Variants in SDK1 observed in about 807,000 individuals in gnomAD.
SDK1 encodes protein sidekick-1.
In SDK1, 157 loss-of-function variants were observed where a neutral mutation model predicts 245.5. That is an observed-to-expected ratio of 0.64 (90% CI 0.56 to 0.73). The LOEUF (loss-of-function observed/expected upper bound fraction) is 0.73. Ranked by LOEUF, SDK1 falls within the 30% of genes least tolerant of loss-of-function variation. The probability of loss-of-function intolerance (pLI) is 0.00; values close to 1 mark genes in which losing one functional copy is unlikely to be tolerated. For missense variants in SDK1, 3,583 were observed against 3,002.3 expected (o/e 1.19, Z -4.52); for synonymous variants, 1,647 against 1,278.5 (o/e 1.29, Z -6.15).
chr7:3,862,491 T>C (rs1583487969), intron 5 of SDK1, among the ~76,000 whole-genome samples: 1 of 152,340 alleles, frequency 6.6e-6, no homozygotes, highest in Non-Finnish European at 1.5e-5. Flanking sequence ...GGATAACTTT[T>C]GTAACTTTGT....
intron 5 of SDK1, among the ~76,000 whole-genome samples, chr7:3,844,927 G>C (rs1780239797): frequency 6.6e-6 from 1 of 152,144 alleles, no homozygotes; most frequent in South Asian, 2.1e-4. Context: ...CAAGAAAAGA[G>C]CTTATGACAT....
intron 1 of SDK1, among the ~76,000 whole-genome samples, chr7:3,326,863 A>G (rs1030942353): frequency 6.6e-6 from 1 of 152,150 alleles, no homozygotes; most frequent in Non-Finnish European, 1.5e-5. Flanking sequence ...GTGATACCTC[A>G]CTTTTATTTA....
rs151118947 is a variant in SDK1 at position 3,559,524 on chromosome 7, A to G, written c.299-59556A>G. Among the ~76,000 whole-genome samples, 690 of 152,228 alleles carry G rather than the reference A, an allele frequency of 4.5e-3. 11 individuals are homozygous for G. Among genetic ancestry groups the G allele is most frequent in the African/African-American group, 0.016 (673 of 41,534 alleles). On this transcript the variant is annotated intron_variant, in intron 1 of 44. Coordinates refer to ENST00000404826, the MANE Select transcript of SDK1 (RefSeq NM_152744.4). ...CTTAGAAGCAGCCTGGTTCAGTGCC[A>G]AGATGTAGTAATCAGCTTCCTCAGA...
At position 3,375,180 on chromosome 7, in the gene SDK1, CAAA is replaced by C. The variant is rs35979685; in HGVS notation, c.298+73309_298+73311del. Among the ~76,000 whole-genome samples, 153 of 142,354 alleles carry C rather than the reference CAAA, an allele frequency of 1.1e-3. 1 individual carries two copies. The highest frequency in any genetic ancestry group is 2.9e-3 in the East Asian group (14 of 4,864). 93.4% of individuals were successfully genotyped at this position (142,354 alleles called of 152,430 possible). Reference sequence around the variant, plus strand: ...ATAAAGCTAATCTGAAGTTAATTTGCAAAAAAAAAAAAAAATTGTGCATTGTGA... The same window carrying C: ...ATAAAGCTAATCTGAAGTTAATTTGCAAAAAAAAAAAATTGTGCATTGTGA... On this transcript the variant is annotated intron_variant, in intron 1 of 44. Coordinates refer to ENST00000404826, the MANE Select transcript of SDK1 (RefSeq NM_152744.4).
intron 1 of SDK1, among the ~76,000 whole-genome samples, chr7:3,394,032 A>C (rs544206475): frequency 6.6e-6 from 1 of 152,270 alleles, no homozygotes; most frequent in South Asian, 2.1e-4. Context: ...CCATATCTGC[A>C]TTAGGGGGCA....
At chr7:3,657,288 G>A (rs1286872451) in intron 4 of SDK1, among the ~76,000 whole-genome samples, 2 of 152,144 alleles carry the variant, frequency 1.3e-5, no homozygotes, top group Admixed American at 1.3e-4. Context: ...CAGATGAGAG[G>A]CAGACAGCTG....
At chr7:3,756,942 CAGTT>C (rs1182068194) in intron 4 of SDK1, among the ~76,000 whole-genome samples, 1 of 152,126 alleles carries the variant, frequency 6.6e-6, no homozygotes, top group Non-Finnish European at 1.5e-5. Flanking sequence ...AGGGTGGTGA[CAGTT>C]AGGGTTTTCC....
intron 5 of SDK1, among the ~76,000 whole-genome samples, chr7:3,922,582 T>C (rs1779631306): frequency 6.6e-6 from 1 of 152,256 alleles, no homozygotes; most frequent in Non-Finnish European, 1.5e-5. Context: ...TAGATGTTAC[T>C]TCATTCTGTT....
intron 1 of SDK1, among the ~76,000 whole-genome samples, chr7:3,393,011 C>T (rs1357852804): frequency 1.1e-5 from 1 of 92,000 alleles, no homozygotes; most frequent in South Asian, 4.3e-4. Flanking sequence ...GCTCTTGTTC[C>T]CCAGGCTGTA....
chr7:4,235,455 C>T (rs1355432118), intron 41 of SDK1, among the ~76,000 whole-genome samples: 5 of 152,250 alleles, frequency 3.3e-5, no homozygotes, highest in Non-Finnish European at 5.9e-5. Context: ...TGAGTCACGG[C>T]GCCCAGCTGA....
At chr7:4,132,491 G>T (rs1018083803) in intron 28 of SDK1, 68 bp downstream of exon 28, 1 of 1,145,504 alleles carries the variant, frequency 8.7e-7, no homozygotes, top group Non-Finnish European at 1.3e-6. Flanking sequence ...GGAGACCGAG[G>T]CAGGTGGTTT....
At chr7:3,492,141 T>C (rs1246084239) in intron 1 of SDK1, among the ~76,000 whole-genome samples, 2 of 152,258 alleles carry the variant, frequency 1.3e-5, no homozygotes, top group Non-Finnish European at 1.5e-5. Flanking sequence ...CTTAGGATGC[T>C]AGGGAACTTA....
intron 2 of SDK1, among the ~76,000 whole-genome samples, chr7:3,637,960 A>G (rs1170797809): frequency 6.6e-6 from 1 of 152,238 alleles, no homozygotes; most frequent in Non-Finnish European, 1.5e-5. Context: ...GTGACACAAG[A>G]CATCGTGTTA....
intron 1 of SDK1, among the ~76,000 whole-genome samples, chr7:3,579,002 A>G (rs1780397249): frequency 6.6e-6 from 1 of 152,020 alleles, no homozygotes; most frequent in Non-Finnish European, 1.5e-5. Flanking sequence ...GGGAAGTGAT[A>G]AATGTCCTTG....
At chr7:4,108,227 C>T (rs911285613) in intron 22 of SDK1, among the ~76,000 whole-genome samples, 1 of 152,168 alleles carries the variant, frequency 6.6e-6, no homozygotes, top group Non-Finnish European at 1.5e-5. Flanking sequence ...GCCATGGGCC[C>T]TGATGGGGGA....
At chr7:3,596,811 C>T (rs531630630) in intron 1 of SDK1, among the ~76,000 whole-genome samples, 2 of 152,312 alleles carry the variant, frequency 1.3e-5, no homozygotes, top group South Asian at 4.1e-4. Flanking sequence ...GTAACTCATG[C>T]TGCCACATCA....
chr7:4,087,452 A>T (rs1352324240), intron 22 of SDK1, among the ~76,000 whole-genome samples: 1 of 147,812 alleles, frequency 6.8e-6, no homozygotes, highest in Non-Finnish European at 1.5e-5. Context: ...CCCCATAACC[A>T]ATGTGTGTGC....
At chr7:3,488,568 C>T (rs1781773074) in intron 1 of SDK1, among the ~76,000 whole-genome samples, 1 of 152,148 alleles carries the variant, frequency 6.6e-6, no homozygotes. Context: ...TTTTCTAAGT[C>T]TTCCATGATC....
chr7:3,855,036 A>T (rs527583386), intron 5 of SDK1, among the ~76,000 whole-genome samples: 17 of 152,230 alleles, frequency 1.1e-4, no homozygotes, highest in African/African-American at 3.6e-4. Flanking sequence ...CTGTGGCCAC[A>T]GATTTGCCTG....
Sources: gnomAD v4.1 joint callset for allele counts (sites outside exome capture counted in the v4.1 genomes callset) on GRCh38, gnomAD v4.1.1 for gene constraint, MANE v1.5 for transcripts, NCBI Gene and HGNC (gene_info 2026-07-23, HGNC 2026-07-21) for gene names.